The following IQCE variants were observed in gnomAD, a reference collection of about 807,000 sequenced individuals.
The protein encoded by IQCE is IQ domain-containing protein E.
Under a neutral mutation model 96.0 loss-of-function variants are expected in IQCE, and 115 were observed. The ratio of observed to expected loss-of-function variants is 1.20; its 90% CI spans 1.03 to 1.40. The LOEUF (loss-of-function observed/expected upper bound fraction) is 1.40. IQCE is among the 40% of genes most tolerant of loss of function. The pLI, the probability that IQCE is intolerant of heterozygous loss-of-function variation, is 0.00. For synonymous variants in IQCE, 412 were observed against 371.2 expected, an observed-to-expected ratio of 1.11 and a Z score of -1.26; for missense variants, 1,041 against 909.1, an observed-to-expected ratio of 1.15 and a Z score of -1.87.
Position 2,612,588 on chromosome 7 carries a change from C to G in IQCE, c.*2426C>G, listed in dbSNP as rs60525454. 1.7e-5 allele frequency: 1 copy of G among 58,632 alleles called. No homozygotes were observed. Among genetic ancestry groups the G allele is most frequent in the Admixed American group, 1.4e-4 (1 of 7,142 alleles). 3.6% of individuals were successfully genotyped at this position (58,632 alleles called of 1,614,324 possible). ...TGGGAGGGGTGAGCTGTGGGCGGGG[C>G]GAGCTGTGGGTGGGGCCTAGCCATG... On this transcript the variant is annotated 3_prime_UTR_variant, in exon 22 of 22. Transcript: ENST00000402050.
intron 20 of IQCE, among the ~76,000 whole-genome samples, 161 bp from the exon 21 acceptor site, chr7:2,606,963 G>A (rs1020435565): frequency 6.6e-6 from 1 of 152,218 alleles, no homozygotes; most frequent in Non-Finnish European, 1.5e-5. Flanking sequence ...GACCCTGGGT[G>A]CATATTGGGT....
intron 21 of IQCE, chr7:2,607,538 TAAA>T: frequency 7.8e-7 from 1 of 1,282,830 alleles, no homozygotes; most frequent in Non-Finnish European, 9.8e-7. Flanking sequence ...GTTTGTTGAG[TAAA>T]ACCGTGTTAT....
rs1049639760 is a variant in IQCE at position 2,613,151 on chromosome 7, C to G, written c.*2989C>G. 1.3e-5 allele frequency: 2 copies of G among 152,260 alleles called. No individual in the cohort carries two copies. Among genetic ancestry groups the G allele is most frequent in the African/African-American group, 4.8e-5 (2 of 41,442 alleles). The allele number at this position is 152,260 out of a possible 1,614,324, so 9.4% of individuals were successfully genotyped here. A position where few individuals can be genotyped will look rare whatever the true frequency, so the allele number is the denominator to read the frequency against. On this transcript the variant is annotated 3_prime_UTR_variant, in exon 22 of 22. Coordinates refer to ENST00000402050, the MANE Select transcript of IQCE (RefSeq NM_152558.5). ...TATCCCATGCCCTTTAAACAAGCAGCCACAGGAGATGTCAGTCTCCAGGGC... is the reference window on the plus strand; with the variant it reads ...TATCCCATGCCCTTTAAACAAGCAGGCACAGGAGATGTCAGTCTCCAGGGC...
At chr7:2,570,716 A>G (rs1468088159) in intron 3 of IQCE, among the ~76,000 whole-genome samples, 6 of 152,180 alleles carry the variant, frequency 3.9e-5, no homozygotes, top group Non-Finnish European at 4.4e-5. Flanking sequence ...TTTTATACTT[A>G]AAGAGGGAAA....
rs549466977 is a variant in IQCE at position 2,582,969 on chromosome 7, A to G, written c.701+319A>G. ...TGCTGTTTTTGGCGTGGCTACTCGC[A>G]TTTCTGTACCTGACTTTCGAGTGCG... On this transcript the variant is annotated intron_variant, in intron 9 of 21. Transcript: ENST00000402050. Among the ~76,000 whole-genome samples, 17 of 152,140 alleles carry G rather than the reference A, an allele frequency of 1.1e-4. 1 individual carries two copies. In the East Asian group the frequency reaches 1.5e-3, roughly 14 times the overall value.
At chr7:2,596,980 A>G (rs201614525) in intron 16 of IQCE, 7 of 471,308 alleles carry the variant, frequency 1.5e-5, no homozygotes, top group South Asian at 1.1e-4. Flanking sequence ...GCAGACACCC[A>G]AGTGACCATC....
intron 11 of IQCE, among the ~76,000 whole-genome samples, chr7:2,584,847 A>G (rs1782972895): frequency 6.6e-6 from 1 of 152,164 alleles, no homozygotes; most frequent in South Asian, 2.1e-4. Flanking sequence ...ACTGGTTGGA[A>G]AACTTTTTCT....
chr7:2,596,130 C>A (rs1784018720), intron 16 of IQCE, among the ~76,000 whole-genome samples: 1 of 152,188 alleles, frequency 6.6e-6, no homozygotes, highest in Non-Finnish European at 1.5e-5. Context: ...GTAGAAGCCA[C>A]CACCTATGGT....
intron 18 of IQCE, among the ~76,000 whole-genome samples, chr7:2,603,481 C>T (rs1297186592): frequency 2.0e-5 from 3 of 151,010 alleles, no homozygotes; most frequent in Admixed American, 1.3e-4. Context: ...GCTTCTCTCC[C>T]TGGCGCCCCC....
At chr7:2,569,948 A>T (rs1450142841) in intron 3 of IQCE, among the ~76,000 whole-genome samples, 1 of 152,134 alleles carries the variant, frequency 6.6e-6, no homozygotes, top group African/African-American at 2.4e-5. Context: ...CTCTCCTTCC[A>T]TGGAGAAAAT....
In IQCE at chr7:2,609,954, CG is replaced by C. The variant is rs898166057; in HGVS notation, c.1970-86del. ...TCGGGGTGGCTGCCGTCTTGCCTGC[CG>C]GGGAAGAGCAGACAGTGTAAGGGTG... On this transcript the variant is annotated intron_variant, in intron 21 of 21. Coordinates refer to ENST00000402050, the MANE Select transcript of IQCE (RefSeq NM_152558.5). The C allele has an allele frequency of 1.9e-5, 14 of 737,300 alleles. No individual in the cohort carries two copies. In the Admixed American group the frequency reaches 3.1e-4, roughly 16 times the overall value. 45.7% of individuals were successfully genotyped at this position (737,300 alleles called of 1,614,324 possible). A position where few individuals can be genotyped will look rare whatever the true frequency, so the allele number is the denominator to read the frequency against.
intron 11 of IQCE, 96 bp downstream of exon 11, chr7:2,584,381 AC>A: frequency 8.7e-7 from 1 of 1,148,152 alleles, no homozygotes; most frequent in South Asian, 1.2e-5. Flanking sequence ...TGCGGCATAT[AC>A]TGCCCTTAGC....
chr7:2,577,223 T>TGTGTGTGCAGTGGTGTGTGCATGGC (rs1782195688), intron 6 of IQCE, among the ~76,000 whole-genome samples: 1 of 150,844 alleles, frequency 6.6e-6, no homozygotes, highest in Non-Finnish European at 1.5e-5. Flanking sequence ...CTGTGTGTGG[T>TGTGTGTGCAGTGGTGTGTGCATGGC]GTGTGTGCAG....
intron 6 of IQCE, among the ~76,000 whole-genome samples, chr7:2,574,604 G>T (rs140225799): frequency 6.6e-6 from 1 of 152,236 alleles, no homozygotes; most frequent in African/African-American, 2.4e-5. Context: ...AATGAACTCA[G>T]TGTGGATTGG....
chr7:2,590,555 A>G (rs183238965), intron 14 of IQCE, among the ~76,000 whole-genome samples: 202 of 152,252 alleles, frequency 1.3e-3, no homozygotes, highest in African/African-American at 4.7e-3. Context: ...GCTTGAGGCC[A>G]GGAGTTTCAG....
In IQCE at chr7:2,578,354, G is replaced by A. The variant is rs188929365; in HGVS notation, c.578G>A (p.Arg193His). 33 of 1,613,418 alleles carry A rather than the reference G, an allele frequency of 2.0e-5. No individual in the cohort carries two copies. In the African/African-American group the frequency reaches 3.7e-4, roughly 18 times the overall value. The stretch of plus-strand genomic sequence containing the variant: ...ATAGAGCAGCTCCTGGATCCCAGCC[G>A]CGTAAGCTCCTGGCGCTTCACGGAC... The part of the protein sequence containing the change: ...RQIEQLLDPS[R>H]GTDFVRTLAE... Residue 193 changes from arginine (R) to histidine (H), a missense_variant and splice_region_variant, in exon 7 of 22, where the codon CGC becomes CAC. Arg to His is a conservative substitution (Grantham distance 29, BLOSUM62 0). Transcript: ENST00000402050.
chr7:2,603,071 C>T (rs116365041), intron 18 of IQCE, among the ~76,000 whole-genome samples: 121 of 152,302 alleles, frequency 7.9e-4, no homozygotes, highest in African/African-American at 2.8e-3. Context: ...ACAGACACAC[C>T]CTTGTCCATA....
chr7:2,572,195 G>T lies in IQCE; in HGVS notation c.263G>T (p.Ser88Ile), dbSNP rs535707092. The T allele has an allele frequency of 6.2e-7, 1 of 1,612,976 alleles. No individual in the cohort carries two copies. The highest frequency in any genetic ancestry group is 1.3e-5 in the African/African-American group (1 of 74,872). Residue 88 changes from serine to isoleucine, a missense_variant, in exon 5 of 22, where the codon AGT becomes ATT. By Grantham distance (142) the Ser-to-Ile change is moderately radical. Coordinates refer to ENST00000402050, the MANE Select transcript of IQCE (RefSeq NM_152558.5). ...KLWLGTAKPGSLTQALNSPLT... is the reference protein window; with the variant it reads ...KLWLGTAKPGILTQALNSPLT... ...AACCCATGCACATTCAAACCAGGAA[G>T]TCTGACCCAGGCCCTGAACTCACCC... is the stretch of plus-strand genomic sequence containing the variant.
intron 1 of IQCE, among the ~76,000 whole-genome samples, chr7:2,566,287 G>T (rs1047552251): frequency 6.9e-6 from 1 of 144,182 alleles, no homozygotes; most frequent in Non-Finnish European, 1.5e-5. Flanking sequence ...TCTTCAAAAA[G>T]CTTCCTTTTT....
Sources: allele counts gnomAD v4.1 joint callset (sites outside exome capture counted in the v4.1 genomes callset), GRCh38; gene constraint gnomAD v4.1.1; transcripts MANE v1.5; gene names NCBI Gene and HGNC (gene_info 2026-07-23, HGNC 2026-07-21).